SMG1: variants seen among roughly 807,000 people sequenced by gnomAD.
SMG1 encodes the protein serine/threonine-protein kinase SMG1.
A neutral mutation model predicts 419.9 loss-of-function variants in SMG1; 22 were observed. That is an observed-to-expected ratio of 0.05 (90% CI 0.04 to 0.07). The LOEUF (loss-of-function observed/expected upper bound fraction) is 0.07, where lower values mean the gene tolerates loss of function less well. Ranked by LOEUF, SMG1 falls within the 10% of genes least tolerant of loss-of-function variation. The pLI is 1.00. For synonymous variants in SMG1, 1,538 were observed against 1,553.5 expected (o/e 0.99, Z 0.23); for missense variants, 3,185 against 4,342.0 (o/e 0.73, Z 7.49).
intron 25 of SMG1, chr16:18,861,602 AG>A (rs1308395538): frequency 1.3e-5 from 2 of 152,258 alleles, no homozygotes; most frequent in East Asian, 3.8e-4. Context: ...GATTCTACCT[AG>A]ATCCGTGCAA....
intron 10 of SMG1, among the ~76,000 whole-genome samples, chr16:18,880,781 C>T (rs1404824459): frequency 9.4e-5 from 14 of 148,934 alleles, no homozygotes; most frequent in African/African-American, 3.0e-4. Flanking sequence ...TGTCTATAAT[C>T]CCAACACTTT....
intron 22 of SMG1, among the ~76,000 whole-genome samples, chr16:18,867,194 A>G (rs1453173831): frequency 2.0e-5 from 3 of 152,196 alleles, no homozygotes; most frequent in Admixed American, 2.0e-4. Context: ...TTGTGAGCCC[A>G]CTTTCAAGCC....
rs370161461 is a variant in SMG1 at position 18,838,396 on chromosome 16, T to A, written c.7155A>T (p.Val2385=). 2 of 1,613,460 alleles carry A rather than the reference T, an allele frequency of 1.2e-6. No homozygotes were observed. The highest frequency in any genetic ancestry group is 3.3e-5 in the Admixed American group (2 of 59,858). Residue 2385 remains valine (V), a synonymous_variant, in exon 44 of 63, where the codon GTA becomes GTT. Coordinates refer to ENST00000446231, the MANE Select transcript of SMG1 (RefSeq NM_015092.5). ...MTQNIETALG[V]TGVEGVFRLS... ...GCCTAAATACACCTTCTACTCCAGT[T>A]ACACCCAGTGCTGTTTCAATGTTTT...
intron 3 of SMG1, among the ~76,000 whole-genome samples, chr16:18,893,322 C>T (rs555394760): frequency 1.3e-5 from 2 of 152,298 alleles, no homozygotes; most frequent in East Asian, 1.9e-4. Flanking sequence ...AATAAAGATG[C>T]CTTTAAAAAC....
intron 60 of SMG1, among the ~76,000 whole-genome samples, chr16:18,814,318 C>G (rs1226085908): frequency 6.6e-6 from 1 of 150,586 alleles, no homozygotes; most frequent in Non-Finnish European, 1.5e-5. Flanking sequence ...AAGTATTTTC[C>G]TATGTTTCTC....
intron 22 of SMG1, among the ~76,000 whole-genome samples, chr16:18,867,545 A>G (rs909138184): frequency 6.6e-6 from 1 of 151,024 alleles, no homozygotes; most frequent in South Asian, 2.1e-4. Flanking sequence ...AAATAAATAA[A>G]TAAATAAATA....
At chr16:18,860,947 G>C (rs2035183921) in intron 25 of SMG1, 171 bp from the exon 26 acceptor site, 1 of 502,200 alleles carries the variant, frequency 2.0e-6, no homozygotes, top group Non-Finnish European at 3.5e-6. Flanking sequence ...TTGAAGATGT[G>C]ACTACCACTT....
At chr16:18,917,034 TA>T (rs1290052520) in intron 1 of SMG1, among the ~76,000 whole-genome samples, 2 of 152,120 alleles carry the variant, frequency 1.3e-5, no homozygotes, top group Non-Finnish European at 2.9e-5. Context: ...ATTGAGCAGA[TA>T]AAAAGTATCA....
At position 18,836,120 on chromosome 16, in the gene SMG1, C is replaced by T. The variant is rs2033553695; in HGVS notation, c.7870G>A (p.Gly2624Ser). Residue 2624 changes from glycine (G) to serine (S), a missense_variant, in exon 48 of 63, where the codon GGT (glycine) becomes AGT (serine). Gly to Ser is a moderately conservative substitution (Grantham distance 56). This residue lies in a region of SMG1 where 412 missense variants were observed against 546.6 expected (regional missense o/e 0.75). Coordinates refer to ENST00000446231, the MANE Select transcript of SMG1 (RefSeq NM_015092.5). ...SQCEQLEGEV[G>S]ALLQQRRSVL... ...GAGCGCCTCTGCTGCAGGAGAGCAC[C>T]AACCTCCCCCTCCAGCTGCTCGCAC... 1.2e-6 allele frequency: 2 copies of T among 1,609,278 alleles called. No homozygotes were observed. The highest frequency in any genetic ancestry group is 1.7e-6 in the Non-Finnish European group (2 of 1,177,872).
intron 1 of SMG1, among the ~76,000 whole-genome samples, chr16:18,899,702 T>A (rs371241028): frequency 0.017 from 2,558 of 152,112 alleles, 36 homozygotes; most frequent in South Asian, 0.034. Context: ...AACTGCAGAT[T>A]TGAACTCCAA....
At chr16:18,903,934 CTTTT>C (rs71141091) in intron 1 of SMG1, among the ~76,000 whole-genome samples, 15 of 99,872 alleles carry the variant, frequency 1.5e-4, no homozygotes, top group Admixed American at 3.8e-4. Flanking sequence ...TATGTCTTGT[CTTTT>C]TTTTTTTTTT....
In SMG1 at chr16:18,871,396, A is replaced by C; in HGVS notation, c.2270T>G (p.Phe757Cys). The change falls in exon 16 of 63, where the codon TTC (phenylalanine) becomes TGC (cysteine). Residue 757 changes from phenylalanine (F) to cysteine (C), a missense_variant. Physicochemically the swap from Phe to Cys is radical, Grantham distance 205 (BLOSUM62 -2). Around this residue, in one of 27 missense-constraint regions of SMG1, gnomAD observed 297 missense variants for 491.0 expected, o/e 0.60. Coordinates refer to ENST00000446231, the MANE Select transcript of SMG1 (RefSeq NM_015092.5). The part of the protein sequence containing the change: ...TYAPLFSLPS[F>C]HKFCKGLLAN... Reference sequence around the variant, plus strand: ...TAAAAGGCCTTTGCAAAATTTATGGAAAGACGGAAGAGAGAATAAAGGTGC... The same window carrying C: ...TAAAAGGCCTTTGCAAAATTTATGGCAAGACGGAAGAGAGAATAAAGGTGC... The C allele has an allele frequency of 6.3e-7, 1 of 1,590,388 alleles. No individual in the cohort carries two copies. The highest frequency in any genetic ancestry group is 8.5e-7 in the Non-Finnish European group (1 of 1,173,358).
chr16:18,871,608 A>T, intron 15 of SMG1, 126 bp from the exon 16 acceptor site: 1 of 460,550 alleles, frequency 2.2e-6, no homozygotes, highest in Non-Finnish European at 3.9e-6. Context: ...TAAAAAATAA[A>T]AATAAAAAAA....
chr16:18,921,192 G>A (rs2038186605), intron 1 of SMG1, among the ~76,000 whole-genome samples: 1 of 150,622 alleles, frequency 6.6e-6, no homozygotes, highest in South Asian at 2.1e-4. Flanking sequence ...AAATTAGCCT[G>A]GGACTAATTT....
In SMG1 at chr16:18,926,322, T is replaced by G; in HGVS notation, c.-281A>C. ...GGAGGCGACGTCTTTTCCAGGGCCG[T>G]GCGCGGCCCACGTCGCCGGGGCCCC... On this transcript the variant is annotated 5_prime_UTR_variant, in exon 1 of 63. Transcript: ENST00000446231. The G allele has an allele frequency of 1.1e-4, 41 of 357,328 alleles. No homozygotes were observed. The highest frequency in any genetic ancestry group is 7.9e-4 in the Middle Eastern group (1 of 1,270). The allele number at this position is 357,328 out of a possible 1,614,324, so 22.1% of individuals were successfully genotyped here.
At chr16:18,817,959 T>C (rs1184124045) in intron 56 of SMG1, among the ~76,000 whole-genome samples, 5 of 151,596 alleles carry the variant, frequency 3.3e-5, no homozygotes, top group African/African-American at 1.2e-4. Flanking sequence ...TGGAGTATAG[T>C]GGCTTAATTA....
intron 32 of SMG1, 56 bp from the exon 33 acceptor site, chr16:18,852,261 C>A (rs748795748): frequency 2.2e-5 from 35 of 1,603,858 alleles, no homozygotes; most frequent in Admixed American, 2.1e-4. Flanking sequence ...ACCATATCAG[C>A]AGACATTTAA....
In SMG1 at chr16:18,845,649, TCTC is replaced by T; in HGVS notation, c.5997-1_5998del. The T allele has an allele frequency of 6.2e-7, 1 of 1,605,168 alleles. No homozygotes were observed. Among genetic ancestry groups the T allele is most frequent in the Non-Finnish European group, 8.5e-7 (1 of 1,175,962 alleles). ...CTCCCTCATGATTGCAATTTTCTCT[TCTC>T]TGACCAAGAAGACATTTTTATTCAA... On this transcript the variant is annotated splice_acceptor_variant and coding_sequence_variant, in exon 39 of 63. Transcript: ENST00000446231. LOFTEE classifies it high-confidence loss of function.
intron 51 of SMG1, 45 bp from the exon 52 acceptor site, chr16:18,830,414 G>A: frequency 3.1e-6 from 5 of 1,598,948 alleles, no homozygotes; most frequent in Non-Finnish European, 4.3e-6. Flanking sequence ...GAAAAGTAAT[G>A]CCTTTGGTGG....
Sources: allele counts gnomAD v4.1 joint callset (sites outside exome capture counted in the v4.1 genomes callset), GRCh38; gene constraint gnomAD v4.1.1; regional missense constraint gnomAD v4.1.1; transcripts MANE v1.5; gene names NCBI Gene and HGNC (gene_info 2026-07-23, HGNC 2026-07-21).